Variants in GRK5 observed in about 807,000 individuals in gnomAD.
The protein encoded by GRK5 is g protein-coupled receptor kinase GRK5.
A neutral mutation model predicts 78.4 loss-of-function variants in GRK5; 40 were observed. That is an observed-to-expected ratio of 0.51 (90% CI 0.40 to 0.66). The LOEUF is 0.66. GRK5 is among the 30% of genes least tolerant of loss of function. GRK5 has a pLI of 0.00. For synonymous variants in GRK5, 289 were observed against 296.8 expected, an observed-to-expected ratio of 0.97 and a Z score of 0.27; for missense variants, 598 against 759.9, an observed-to-expected ratio of 0.79 and a Z score of 2.50.
At chr10:119,208,103 C>G (rs189153116) in intron 1 of GRK5, 134 bp downstream of exon 1, 2 of 760,336 alleles carry the variant, frequency 2.6e-6, no homozygotes, top group African/African-American at 1.9e-5. Flanking sequence ...CAGGACACTT[C>G]GGAGAGCGGC....
chr10:119,366,838 CTTAAAAG>C (rs1428391413), intron 2 of GRK5, among the ~76,000 whole-genome samples: 2 of 152,178 alleles, frequency 1.3e-5, no homozygotes, highest in African/African-American at 4.8e-5. Flanking sequence ...CCATGGATCC[CTTAAAAG>C]TTAAAAGATG....
At chr10:119,429,140 G>C (rs1852764629) in intron 6 of GRK5, among the ~76,000 whole-genome samples, 1 of 152,228 alleles carries the variant, frequency 6.6e-6, no homozygotes, top group South Asian at 2.1e-4. Flanking sequence ...CTTCGGTGGG[G>C]TTTGGGCCCT....
chr10:119,315,247 C>T (rs1233495250), intron 1 of GRK5, among the ~76,000 whole-genome samples: 2 of 152,204 alleles, frequency 1.3e-5, no homozygotes, highest in Non-Finnish European at 2.9e-5. Flanking sequence ...GAGGTCACCT[C>T]AATACACTTG....
In GRK5 at chr10:119,326,571, C is replaced by G. The variant is rs780564165; in HGVS notation, c.108C>G (p.Phe36Leu). 4 of 1,614,136 alleles carry G rather than the reference C, an allele frequency of 2.5e-6. No individual in the cohort carries two copies. The highest frequency in any genetic ancestry group is 8.5e-7 in the Non-Finnish European group (1 of 1,179,984). Residue 36 changes from phenylalanine (F) to leucine (L), a missense_variant, in exon 2 of 16, where the codon TTC (phenylalanine) becomes TTG (leucine). By Grantham distance (22) the Phe-to-Leu change is conservative. Coordinates refer to ENST00000392870, the MANE Select transcript of GRK5 (RefSeq NM_005308.3). ...AGAAGTGGAAAGAAATCCTGAAGTT[C>G]CCTCACATTAGCCAGTGTGAAGACC... ...KSKKWKEILK[F>L]PHISQCEDLR...
At chr10:119,303,115 G>T (rs78280938) in intron 1 of GRK5, among the ~76,000 whole-genome samples, 1 of 152,172 alleles carries the variant, frequency 6.6e-6, no homozygotes. Context: ...CCATGTGTCC[G>T]GTATTGTTCT....
At position 119,452,847 on chromosome 10, in the gene GRK5, GGGAGGGACTGACGGGTGGAA is replaced by G; in HGVS notation, c.1542+45_1542+64del. On this transcript the variant is annotated intron_variant, in intron 14 of 15. Coordinates refer to ENST00000392870, the MANE Select transcript of GRK5 (RefSeq NM_005308.3). This position sits in a 1 kb window ranked among gnomAD's most constrained non-coding sequence, Gnocchi z 4.4. Reference sequence around the variant, plus strand: ...ACCACTTGCTTTGGTCTGGGTGGGAGGGAGGGACTGACGGGTGGAAGGAGGCGTCGGGAATATGAGTTTGG... The same window carrying G: ...ACCACTTGCTTTGGTCTGGGTGGGAGGGAGGCGTCGGGAATATGAGTTTGG... 1.3e-6 allele frequency: 2 copies of G among 1,585,442 alleles called. No individual in the cohort carries two copies.
chr10:119,215,666 C>T (rs1188248667), intron 1 of GRK5, among the ~76,000 whole-genome samples: 1 of 151,988 alleles, frequency 6.6e-6, no homozygotes, highest in African/African-American at 2.4e-5. Flanking sequence ...ACCATATCCT[C>T]CCCCACCCCC....
At chr10:119,222,118 C>A (rs988665836) in intron 1 of GRK5, among the ~76,000 whole-genome samples, 1 of 152,108 alleles carries the variant, frequency 6.6e-6, no homozygotes, top group African/African-American at 2.4e-5. Context: ...TAGTATTATT[C>A]TAGTTTGAGA....
At chr10:119,393,508 T>C (rs2133845361) in intron 3 of GRK5, among the ~76,000 whole-genome samples, 1 of 152,312 alleles carries the variant, frequency 6.6e-6, no homozygotes, top group African/African-American at 2.4e-5. Context: ...GCAAATCTAG[T>C]GTTCTGGATG....
chr10:119,312,999 G>A (rs1489591018), intron 1 of GRK5, among the ~76,000 whole-genome samples: 7 of 142,546 alleles, frequency 4.9e-5, no homozygotes, highest in Non-Finnish European at 8.0e-5. Context: ...GGTGGTAATG[G>A]TGGTCGTGAC....
chr10:119,279,302 GT>G (rs1849720963), intron 1 of GRK5, among the ~76,000 whole-genome samples: 1 of 152,220 alleles, frequency 6.6e-6, no homozygotes, highest in Non-Finnish European at 1.5e-5. Flanking sequence ...ATACAGTCAT[GT>G]TCTGAGGTGC....
chr10:119,222,748 G>A (rs1455805976), intron 1 of GRK5, among the ~76,000 whole-genome samples: 1 of 152,204 alleles, frequency 6.6e-6, no homozygotes, highest in African/African-American at 2.4e-5. Context: ...TCTACATGGG[G>A]AAGGGCTGCC....
At chr10:119,252,128 G>A (rs1849214040) in intron 1 of GRK5, among the ~76,000 whole-genome samples, 1 of 152,164 alleles carries the variant, frequency 6.6e-6, no homozygotes, top group Admixed American at 6.5e-5. Context: ...TGGCGTGCTC[G>A]TGCCGATAGG....
At chr10:119,449,077 C>T (rs1564940112) in intron 13 of GRK5, among the ~76,000 whole-genome samples, 3 of 152,172 alleles carry the variant, frequency 2.0e-5, no homozygotes, top group Non-Finnish European at 4.4e-5. Flanking sequence ...ACTATGGAGG[C>T]CGTGGGAGCA....
At chr10:119,380,967 G>A (rs1486102183) in intron 3 of GRK5, 40 bp downstream of exon 3, 2 of 1,222,534 alleles carry the variant, frequency 1.6e-6, no homozygotes, top group Non-Finnish European at 2.4e-6. Context: ...GTGGTCCTCT[G>A]TGATCAGTGA....
At chr10:119,226,313 ATTT>A (rs746259846) in intron 1 of GRK5, among the ~76,000 whole-genome samples, 1 of 108,832 alleles carries the variant, frequency 9.2e-6, no homozygotes, top group Non-Finnish European at 2.0e-5. Context: ...TTTAATTTTA[ATTT>A]TTTTTTTTTT....
At position 119,336,659 on chromosome 10, in the gene GRK5, G is replaced by T. The variant is rs940137641; in HGVS notation, c.148+10048G>T. ...GTCTTGGTGACCCAGTCCCCTTCAG[G>T]CCTGCCTGGCTGGCACGTGAGCTCT... is the stretch of plus-strand genomic sequence containing the variant. On this transcript the variant is annotated intron_variant, in intron 2 of 15. Coordinates refer to ENST00000392870, the MANE Select transcript of GRK5 (RefSeq NM_005308.3). This position sits in a 1 kb window ranked among gnomAD's most constrained non-coding sequence, Gnocchi z 4.5. Among the ~76,000 whole-genome samples, 1 of 152,188 alleles carries T rather than the reference G, an allele frequency of 6.6e-6. No homozygotes were observed. The highest frequency in any genetic ancestry group is 2.4e-5 in the African/African-American group (1 of 41,434).
chr10:119,341,978 C>T (rs898264866), intron 2 of GRK5, among the ~76,000 whole-genome samples: 1 of 152,210 alleles, frequency 6.6e-6, no homozygotes, highest in Non-Finnish European at 1.5e-5. Flanking sequence ...TTTCTCTCCC[C>T]TTGCAGGCCC....
rs535960626 is a variant in GRK5 at position 119,393,078 on chromosome 10, C to G, written c.262-3617C>G. On this transcript the variant is annotated intron_variant, in intron 3 of 15. Transcript: ENST00000392870. ...CCAGGGGAGCCACCATGGTACCTTTCCTCTGTAGGTGGCCTCTCAGGACTC... is the reference window on the plus strand; with the variant it reads ...CCAGGGGAGCCACCATGGTACCTTTGCTCTGTAGGTGGCCTCTCAGGACTC... 1.4e-4 allele frequency among the ~76,000 whole-genome samples: 22 copies of G among 152,340 alleles called. No individual in the cohort carries two copies. In the South Asian group the frequency reaches 4.1e-3, roughly 29 times the overall value.
Sources: allele counts gnomAD v4.1 joint callset (sites outside exome capture counted in the v4.1 genomes callset), GRCh38; gene constraint gnomAD v4.1.1; non-coding constraint Gnocchi (gnomAD v3.1); transcripts MANE v1.5; gene names NCBI Gene and HGNC (gene_info 2026-07-23, HGNC 2026-07-21).